Variants in MYT1L observed in about 807,000 individuals in gnomAD.
MYT1L encodes myelin transcription factor 1-like protein.
MYT1L carries 12 observed loss-of-function variants against 126.7 expected under a neutral mutation model. The ratio of observed to expected loss-of-function variants is 0.09; its 90% CI spans 0.06 to 0.15. The LOEUF (loss-of-function observed/expected upper bound fraction) is 0.15, where lower values mean the gene tolerates loss of function less well. Ranked by LOEUF, MYT1L falls within the 10% of genes least tolerant of loss-of-function variation. The probability of loss-of-function intolerance (pLI) is 1.00; values close to 1 mark genes in which losing one functional copy is unlikely to be tolerated. For missense variants in MYT1L, 979 were observed against 1,585.2 expected, an observed-to-expected ratio of 0.62 and a Z score of 6.49; for synonymous variants, 541 against 604.2, an observed-to-expected ratio of 0.90 and a Z score of 1.53.
intron 2 of MYT1L, among the ~76,000 whole-genome samples, chr2:2,210,066 C>A (rs1270865354): frequency 6.6e-6 from 1 of 152,150 alleles, no homozygotes; most frequent in Non-Finnish European, 1.5e-5. Context: ...TTTTCATAAT[C>A]CTGCTTGCCA....
chr2:2,326,079 C>T (rs1256748873), intron 1 of MYT1L: 2 of 152,356 alleles, frequency 1.3e-5, no homozygotes, highest in South Asian at 2.1e-4. Flanking sequence ...AATCCTGTTC[C>T]GCAGTCTGCT....
chr2:2,002,937 T>C (rs1193426932), intron 4 of MYT1L, among the ~76,000 whole-genome samples: 1 of 152,124 alleles, frequency 6.6e-6, no homozygotes, highest in Non-Finnish European at 1.5e-5. Context: ...TCTGCCAGGA[T>C]TGTAAGTTTC....
intron 2 of MYT1L, among the ~76,000 whole-genome samples, chr2:2,251,093 A>G (rs1310277765): frequency 6.6e-6 from 1 of 152,196 alleles, no homozygotes; most frequent in Non-Finnish European, 1.5e-5. Flanking sequence ...ATGTTAATGT[A>G]TATGATAAAA....
intron 2 of MYT1L, among the ~76,000 whole-genome samples, chr2:2,236,814 CTT>C (rs1321418446): frequency 0.013 from 94 of 7,032 alleles, no homozygotes; most frequent in East Asian, 0.087. Flanking sequence ...TCTTCTTCTT[CTT>C]TTTTTTTTTT....
chr2:2,104,916 C>T (rs939444592), intron 3 of MYT1L, among the ~76,000 whole-genome samples: 3 of 152,146 alleles, frequency 2.0e-5, no homozygotes, highest in African/African-American at 7.2e-5. Context: ...GGAGAGGTCA[C>T]ACCACTCTAG....
intron 2 of MYT1L, among the ~76,000 whole-genome samples, chr2:2,183,251 GA>G (rs1054226669): frequency 6.6e-6 from 1 of 152,174 alleles, no homozygotes; most frequent in African/African-American, 2.4e-5. Context: ...GAACAGAGAG[GA>G]GGGGAAGAGA....
intron 20 of MYT1L, among the ~76,000 whole-genome samples, chr2:1,840,033 C>T (rs1056633844): frequency 2.4e-4 from 36 of 152,196 alleles, no homozygotes; most frequent in African/African-American, 8.4e-4. Flanking sequence ...CCTAAGCGCT[C>T]CTCATGTGTC....
intron 3 of MYT1L, among the ~76,000 whole-genome samples, chr2:2,143,890 T>G (rs2084436192): frequency 6.6e-6 from 1 of 151,680 alleles, no homozygotes; most frequent in Admixed American, 6.6e-5. Context: ...GTGTTCTCAC[T>G]TATAAGTGGG....
At position 2,331,044 on chromosome 2, in the gene MYT1L, AG is replaced by A. The variant is rs1279369273; in HGVS notation, c.-599del. 6.6e-6 allele frequency: 1 copy of A among 152,204 alleles called. No individual in the cohort carries two copies. The highest frequency in any genetic ancestry group is 1.5e-5 in the Non-Finnish European group (1 of 68,040). 9.4% of individuals were successfully genotyped at this position (152,204 alleles called of 1,614,324 possible). ...CTGTGCTGGCTCAAAATACACAGAC[AG>A]GGAAGAAAACCCTGTTCCACCACAA... On this transcript the variant is annotated 5_prime_UTR_variant, in exon 1 of 25. An upstream open reading frame in the 5' UTR gains an earlier in-frame stop. Coordinates refer to ENST00000647738, the MANE Select transcript of MYT1L (RefSeq NM_001303052.2).
intron 18 of MYT1L, among the ~76,000 whole-genome samples, chr2:1,870,494 GC>G (rs1177369873): frequency 6.6e-6 from 1 of 152,196 alleles, no homozygotes; most frequent in Non-Finnish European, 1.5e-5. Context: ...GGCACTAGGA[GC>G]TTGTGGAAAT....
chr2:2,285,286 C>G (rs2095504580), intron 1 of MYT1L, among the ~76,000 whole-genome samples: 1 of 152,128 alleles, frequency 6.6e-6, no homozygotes, highest in Non-Finnish European at 1.5e-5. Flanking sequence ...TCAAACGCAG[C>G]TTGCCTATCT....
At chr2:2,183,036 G>A (rs554917222) in intron 2 of MYT1L, among the ~76,000 whole-genome samples, 1 of 152,300 alleles carries the variant, frequency 6.6e-6, no homozygotes, top group South Asian at 2.1e-4. Flanking sequence ...GCTGAGCTTT[G>A]AGAAGGTCAT....
At chr2:1,969,250 C>T (rs916132684) in intron 8 of MYT1L, among the ~76,000 whole-genome samples, 1 of 152,172 alleles carries the variant, frequency 6.6e-6, no homozygotes, top group African/African-American at 2.4e-5. Flanking sequence ...TGTGGGAACG[C>T]CCCACCACCG....
intron 1 of MYT1L, chr2:2,327,001 A>G (rs1375513433): frequency 6.6e-6 from 1 of 152,178 alleles, no homozygotes; most frequent in East Asian, 1.9e-4. Flanking sequence ...GATATTACAA[A>G]CAGAACCACA....
At chr2:2,328,252 ACAT>A (rs368981166) in intron 1 of MYT1L, among the ~76,000 whole-genome samples, 18 of 152,306 alleles carry the variant, frequency 1.2e-4, no homozygotes, top group African/African-American at 4.3e-4. Flanking sequence ...CAGACAGAAA[ACAT>A]CAGACAGTGA....
At chr2:1,874,698 C>G (rs929774181) in intron 18 of MYT1L, among the ~76,000 whole-genome samples, 7 of 152,300 alleles carry the variant, frequency 4.6e-5, no homozygotes, top group African/African-American at 1.7e-4. Flanking sequence ...TCCCTCTGCC[C>G]GTGCCGTTTG....
intron 21 of MYT1L, among the ~76,000 whole-genome samples, chr2:1,835,754 C>T (rs576227601): frequency 2.0e-4 from 30 of 152,224 alleles, no homozygotes; most frequent in South Asian, 4.2e-4. Context: ...CCTTGGAGGT[C>T]GCCGAAGCCA....
At chr2:2,078,609 G>C (rs920874263) in intron 3 of MYT1L, among the ~76,000 whole-genome samples, 1 of 152,200 alleles carries the variant, frequency 6.6e-6, no homozygotes, top group Non-Finnish European at 1.5e-5. Flanking sequence ...ATTTTATGAT[G>C]AGAAGAGGTT....
chr2:1,843,009 G>C (rs2042014622), intron 19 of MYT1L: 2 of 154,598 alleles, frequency 1.3e-5, no homozygotes, highest in East Asian at 3.8e-4. Context: ...CTCCAGGCCA[G>C]CGCTTTAGCA....
Sources: allele counts gnomAD v4.1 joint callset (sites outside exome capture counted in the v4.1 genomes callset), GRCh38; gene constraint gnomAD v4.1.1; transcripts MANE v1.5; gene names NCBI Gene and HGNC (gene_info 2026-07-23, HGNC 2026-07-21).